HSPA5: variants seen among roughly 807,000 people sequenced by gnomAD.
The protein encoded by HSPA5 is endoplasmic reticulum chaperone BiP.
Under a neutral mutation model 49.5 loss-of-function variants are expected in HSPA5, and 16 were observed. The ratio of observed to expected loss-of-function variants is 0.32; its 90% CI spans 0.22 to 0.49. The LOEUF (loss-of-function observed/expected upper bound fraction) is 0.49. Ranked by LOEUF, HSPA5 falls within the 20% of genes least tolerant of loss-of-function variation. The probability of loss-of-function intolerance (pLI) is 0.99; values close to 1 mark genes in which losing one functional copy is unlikely to be tolerated. For missense variants in HSPA5, 376 were observed against 819.0 expected (o/e 0.46, Z 6.60); for synonymous variants, 271 against 307.2 (o/e 0.88, Z 1.23).
chr9:125,241,293 T>A lies in HSPA5; in HGVS notation c.-167A>T. On this transcript the variant is annotated 5_prime_UTR_variant, in exon 1 of 8. Transcript: ENST00000324460. ...AGGCCGCGGCGCTTCCCTCTCACAC[T>A]CGCGAAACACCCCAATAGGTCAATC... The A allele has an allele frequency of 1.4e-6, 1 of 718,544 alleles. No homozygotes were observed. The highest frequency in any genetic ancestry group is 2.3e-6 in the Non-Finnish European group (1 of 441,940). The allele number at this position is 718,544 out of a possible 1,614,324, so 44.5% of individuals were successfully genotyped here.
Position 125,239,648 on chromosome 9 carries a change from G to T in HSPA5, c.493-115C>A, listed in dbSNP as rs1832539217. The T allele has an allele frequency of 1.3e-6, 1 of 771,622 alleles. No homozygotes were observed. The highest frequency in any genetic ancestry group is 2.2e-6 in the Non-Finnish European group (1 of 459,218). The allele number at this position is 771,622 out of a possible 1,614,324, so 47.8% of individuals were successfully genotyped here. On this transcript the variant is annotated intron_variant, in intron 3 of 7. Coordinates refer to ENST00000324460, the MANE Select transcript of HSPA5 (RefSeq NM_005347.5). This position sits in a 1 kb window ranked among gnomAD's most constrained non-coding sequence, Gnocchi z 5.5. ...AATCCCAGCACTTTGGGAGGCTGAGGCAGGAGGATCACCTGAGGGCAGGAT... is the reference window on the plus strand; with the variant it reads ...AATCCCAGCACTTTGGGAGGCTGAGTCAGGAGGATCACCTGAGGGCAGGAT...
At position 125,239,432 on chromosome 9, in the gene HSPA5, G is replaced by C. The variant is rs1175929824; in HGVS notation, c.594C>G (p.Ile198Met). 2.5e-6 allele frequency: 4 copies of C among 1,614,004 alleles called. No individual in the cohort carries two copies. The highest frequency in any genetic ancestry group is 3.4e-6 in the Non-Finnish European group (4 of 1,180,002). The change falls in exon 4 of 8, where the codon ATC (isoleucine) becomes ATG (methionine). Residue 198 changes from isoleucine (I) to methionine (M), a missense_variant. By Grantham distance (10) the Ile-to-Met change is conservative. This residue lies in a region of HSPA5 where 89 missense variants were observed against 200.0 expected (regional missense o/e 0.44). Coordinates refer to ENST00000324460, the MANE Select transcript of HSPA5 (RefSeq NM_005347.5). The surrounding 1 kb of genome is among the most constrained non-coding windows in gnomAD (Gnocchi z 5.5). ...GTIAGLNVMR[I>M]INEPTAAAIA... ...AATTTCATACTTACGGCTCGTTGAT[G>C]ATCCTCATAACATTTAGGCCAGCAA...
rs990727194 is a variant in HSPA5, at chr9:125,237,239, A to T, written c.1403-85T>A. On this transcript the variant is annotated intron_variant, in intron 7 of 7. Coordinates refer to ENST00000324460, the MANE Select transcript of HSPA5 (RefSeq NM_005347.5). ...ATCCCCGCATTTCAGTCTGAAGCAT[A>T]AAGTGACACTTTTGGTTTTATCGAG... 8.0e-6 allele frequency: 8 copies of T among 999,490 alleles called. No individual in the cohort carries two copies. The Admixed American group carries it at 1.7e-4, about 21-fold the overall frequency. 61.9% of individuals were successfully genotyped at this position (999,490 alleles called of 1,614,324 possible). A position where few individuals can be genotyped will look rare whatever the true frequency, so the allele number is the denominator to read the frequency against.
intron 5 of HSPA5, 33 bp downstream of exon 5, chr9:125,238,908 T>G (rs576419119): frequency 6.2e-7 from 1 of 1,603,378 alleles, no homozygotes; most frequent in East Asian, 2.2e-5. Context: ...TCTAAGGAGA[T>G]CTCATTAGCA....
rs754225932 is a variant in HSPA5 at position 125,238,729 on chromosome 9, C to T, written c.1095G>A (p.Ser365=). The T allele has an allele frequency of 5.9e-5, 95 of 1,614,088 alleles. No individual in the cohort carries two copies. Among genetic ancestry groups the T allele is most frequent in the Non-Finnish European group, 6.9e-5 (82 of 1,180,014 alleles). The change falls in exon 6 of 8, where the codon TCG becomes TCA. Residue 365 remains serine, a synonymous_variant. Transcript: ENST00000324460. ...DIDEIVLVGG[S]TRIPKIQQLV... Reference sequence around the variant, plus strand: ...GTTGCTGAATCTTTGGAATTCGAGTCGAGCCACCAACAAGAACAATTTCAT... The same window carrying T: ...GTTGCTGAATCTTTGGAATTCGAGTTGAGCCACCAACAAGAACAATTTCAT...
chr9:125,235,556 T>C lies in HSPA5; in HGVS notation c.*1036A>G, dbSNP rs1029650910. 3 of 152,066 alleles carry C rather than the reference T, an allele frequency of 2.0e-5. No individual in the cohort carries two copies. Among genetic ancestry groups the C allele is most frequent in the Non-Finnish European group, 4.4e-5 (3 of 68,022 alleles). 9.4% of individuals were successfully genotyped at this position (152,066 alleles called of 1,614,324 possible). On this transcript the variant is annotated 3_prime_UTR_variant, in exon 8 of 8. Transcript: ENST00000324460. Reference sequence around the variant, plus strand: ...TGGACTCTTTTCTTCAGGAACACAATCTAAGTAATCCTAAACCAGTTTTGA... The same window carrying C: ...TGGACTCTTTTCTTCAGGAACACAACCTAAGTAATCCTAAACCAGTTTTGA...
rs1178511133 is a variant in HSPA5, at chr9:125,237,158, G to T, written c.1403-4C>A. 1 of 1,597,116 alleles carries T rather than the reference G, an allele frequency of 6.3e-7. No homozygotes were observed. Among genetic ancestry groups the T allele is most frequent in the East Asian group, 2.2e-5 (1 of 44,704 alleles). On this transcript the variant is annotated splice_region_variant and splice_polypyrimidine_tract_variant and intron_variant, in intron 7 of 7. Coordinates refer to ENST00000324460, the MANE Select transcript of HSPA5 (RefSeq NM_005347.5). ...TCTTTTGTCAGGGGTCTTTCACCTA[G>T]AAGTTACATACAGAAAAACTTGTTA...
chr9:125,240,967 GC>G lies in HSPA5; in HGVS notation c.122+37del. 1 of 1,611,478 alleles carries G rather than the reference GC, an allele frequency of 6.2e-7. No homozygotes were observed. The highest frequency in any genetic ancestry group is 8.5e-7 in the Non-Finnish European group (1 of 1,178,294). Reference sequence around the variant, plus strand: ...CGCACTTCTCACGCCAGGCCAGGCGGCCACGCCCCGTCCCCCTGCATCCGCA... The same window carrying G: ...CGCACTTCTCACGCCAGGCCAGGCGGCACGCCCCGTCCCCCTGCATCCGCA... On this transcript the variant is annotated intron_variant, in intron 1 of 7. Transcript: ENST00000324460. This position sits in a 1 kb window ranked among gnomAD's most constrained non-coding sequence, Gnocchi z 4.4.
At position 125,241,168 on chromosome 9, in the gene HSPA5, G is replaced by A. The variant is rs424676; in HGVS notation, c.-42C>T. On this transcript the variant is annotated 5_prime_UTR_variant, in exon 1 of 8. Transcript: ENST00000324460. ...GCAGCAGCAGGCAGTCCAGCCACAG[G>A]CCGTAGCACAGGAGCACAGCGCAAT... 2.1e-5 allele frequency: 34 copies of A among 1,591,698 alleles called. No homozygotes were observed. The South Asian group carries it at 2.8e-4, about 13-fold the overall frequency.
intron 7 of HSPA5, among the ~76,000 whole-genome samples, chr9:125,237,771 C>A (rs1832515695): frequency 6.6e-6 from 1 of 151,504 alleles, no homozygotes; most frequent in African/African-American, 2.4e-5. Flanking sequence ...CTAGCCATTT[C>A]AATAGGACAT....
chr9:125,241,213 G>A lies in HSPA5; in HGVS notation c.-87C>T. 1 of 1,491,002 alleles carries A rather than the reference G, an allele frequency of 6.7e-7. No individual in the cohort carries two copies. The highest frequency in any genetic ancestry group is 9.0e-7 in the Non-Finnish European group (1 of 1,112,882). 92.4% of individuals were successfully genotyped at this position (1,491,002 alleles called of 1,614,324 possible). On this transcript the variant is annotated 5_prime_UTR_variant, in exon 1 of 8. Transcript: ENST00000324460. ...CGCAATTTCCGACTTGCAGGCGGCA[G>A]GGGCCCGGGGTCACAAGGCGCCACG... is the stretch of plus-strand genomic sequence containing the variant.
rs1394021187 is a variant in HSPA5 at position 125,240,310 on chromosome 9, CTATTT to C, written c.355-6_355-2del. On this transcript the variant is annotated splice_acceptor_variant and splice_polypyrimidine_tract_variant and intron_variant, in intron 2 of 7. Transcript: ENST00000324460. LOFTEE classifies it high-confidence loss of function. This position sits in a 1 kb window ranked among gnomAD's most constrained non-coding sequence, Gnocchi z 4.4. ...ATGGTTTAGTTTTCTTTTCAACCAC[CTATTT>C]TAAAGAATTATTGTTTTCAGACACA... 1.9e-6 allele frequency: 3 copies of C among 1,598,492 alleles called. No homozygotes were observed. The highest frequency in any genetic ancestry group is 3.6e-5 in the Admixed American group (2 of 56,272).
At chr9:125,237,248 C>T in intron 7 of HSPA5, 94 bp from the exon 8 acceptor site, 1 of 947,700 alleles carries the variant, frequency 1.1e-6, no homozygotes, top group Non-Finnish European at 1.6e-6. Flanking sequence ...TAAAGTGACA[C>T]TTTTGGTTTT....
chr9:125,240,160 A>T lies in HSPA5; in HGVS notation c.492+12T>A. The T allele has an allele frequency of 1.9e-6, 3 of 1,586,636 alleles. No individual in the cohort carries two copies. The highest frequency in any genetic ancestry group is 2.6e-6 in the Non-Finnish European group (3 of 1,168,050). ...ATCAAAAAATACTTAACATTGTTCT[A>T]GAAATATTTACCTTCTTTCCCAAAT... On this transcript the variant is annotated intron_variant, in intron 3 of 7. Transcript: ENST00000324460. The surrounding 1 kb of genome is among the most constrained non-coding windows in gnomAD (Gnocchi z 4.4).
At position 125,240,524 on chromosome 9, in the gene HSPA5, A is replaced by G; in HGVS notation, c.354+152T>C. Reference sequence around the variant, plus strand: ...AGACAGTACGACAGCAACTGTCTTAAGTTTTGTAACATACTAATAGTATTA... The same window carrying G: ...AGACAGTACGACAGCAACTGTCTTAGGTTTTGTAACATACTAATAGTATTA... On this transcript the variant is annotated intron_variant, in intron 2 of 7. Transcript: ENST00000324460. This position sits in a 1 kb window ranked among gnomAD's most constrained non-coding sequence, Gnocchi z 4.4. 1.4e-6 allele frequency: 1 copy of G among 739,074 alleles called. No individual in the cohort carries two copies. The highest frequency in any genetic ancestry group is 1.8e-5 in the South Asian group (1 of 54,384). The allele number at this position is 739,074 out of a possible 1,614,324, so 45.8% of individuals were successfully genotyped here.
At position 125,238,831 on chromosome 9, in the gene HSPA5, GAA is replaced by G; in HGVS notation, c.997-6_997-5del. The G allele has an allele frequency of 1.2e-6, 2 of 1,612,036 alleles. No homozygotes were observed. Among genetic ancestry groups the G allele is most frequent in the Non-Finnish European group, 8.5e-7 (1 of 1,179,106 alleles). ...TCATAGTAGACCGGAACAGATCCTA[GAA>G]AAAAGACATGGTTACTGTGATGTCT... On this transcript the variant is annotated splice_region_variant and splice_polypyrimidine_tract_variant and intron_variant, in intron 5 of 7. Transcript: ENST00000324460.
intron 6 of HSPA5, 92 bp downstream of exon 6, chr9:125,238,498 T>G: frequency 1.8e-6 from 2 of 1,132,590 alleles, no homozygotes; most frequent in Non-Finnish European, 2.6e-6. Context: ...GTGACCTTGT[T>G]GCTCATATTC....
rs554639248 is a variant in HSPA5, at chr9:125,234,924, T to C, written c.*1668A>G. ...TTACAGACTAGGTGGTCCACGGTAG[T>C]GAGAGCCTTTGAGGTAAGGGAAGAC... On this transcript the variant is annotated 3_prime_UTR_variant, in exon 8 of 8. Coordinates refer to ENST00000324460, the MANE Select transcript of HSPA5 (RefSeq NM_005347.5). 5 of 152,212 alleles carry C rather than the reference T, an allele frequency of 3.3e-5. No homozygotes were observed. The East Asian group carries it at 9.7e-4, about 29-fold the overall frequency. 9.4% of individuals were successfully genotyped at this position (152,212 alleles called of 1,614,324 possible).
chr9:125,239,623 A>G lies in HSPA5; in HGVS notation c.493-90T>C, dbSNP rs946467170. 5.9e-6 allele frequency: 6 copies of G among 1,018,960 alleles called. No homozygotes were observed. The highest frequency in any genetic ancestry group is 1.3e-5 in the South Asian group (1 of 74,808). 63.1% of individuals were successfully genotyped at this position (1,018,960 alleles called of 1,614,324 possible). ...TGGCCAGGCGGTGGCTTCTGCCTAT[A>G]ATCCCAGCACTTTGGGAGGCTGAGG... On this transcript the variant is annotated intron_variant, in intron 3 of 7. Transcript: ENST00000324460. The surrounding 1 kb of genome is among the most constrained non-coding windows in gnomAD (Gnocchi z 5.5).
Sources: gnomAD v4.1 joint callset for allele counts (sites outside exome capture counted in the v4.1 genomes callset) on GRCh38, gnomAD v4.1.1 for gene constraint, gnomAD v4.1.1 regional missense constraint, Gnocchi (gnomAD v3.1) non-coding constraint, MANE v1.5 for transcripts, NCBI Gene and HGNC (gene_info 2026-07-23, HGNC 2026-07-21) for gene names.